The following KIZ variants were observed in gnomAD, a reference collection of about 807,000 sequenced individuals.
KIZ encodes the protein centrosomal protein kizuna.
Under a neutral mutation model 79.6 loss-of-function variants are expected in KIZ, and 68 were observed. That is an observed-to-expected ratio of 0.85 (90% CI 0.70 to 1.05). The LOEUF (loss-of-function observed/expected upper bound fraction) is 1.05, where lower values mean the gene tolerates loss of function less well. KIZ is among the 50% of genes least tolerant of loss of function. KIZ has a pLI of 0.00. For missense variants in KIZ, 797 were observed against 800.4 expected (o/e 1.00, Z 0.05); for synonymous variants, 280 against 281.8 (o/e 0.99, Z 0.06).
At chr20:21,164,729 G>C (rs1391380086) in intron 6 of KIZ, among the ~76,000 whole-genome samples, 4 of 149,722 alleles carry the variant, frequency 2.7e-5, no homozygotes, top group Non-Finnish European at 5.9e-5. Flanking sequence ...TTTTTTTAAT[G>C]ATCTTGGAGG....
intron 8 of KIZ, 68 bp from the exon 9 acceptor site, chr20:21,215,515 A>G (rs1390820093): frequency 1.1e-6 from 1 of 874,392 alleles, no homozygotes; most frequent in Non-Finnish European, 1.8e-6. Flanking sequence ...AAAGGGAAGG[A>G]CAAACACCCA....
In KIZ at chr20:21,126,195, T is replaced by C; in HGVS notation, c.80T>C (p.Leu27Pro). The C allele has an allele frequency of 6.8e-7, 1 of 1,480,344 alleles. No individual in the cohort carries two copies. The highest frequency in any genetic ancestry group is 9.0e-7 in the Non-Finnish European group (1 of 1,110,406). The allele number at this position is 1,480,344 out of a possible 1,614,324, so 91.7% of individuals were successfully genotyped here. The stretch of plus-strand genomic sequence containing the variant: ...AGGCTGGGCCAACTCCAGCACGGGC[T>C]GCGGGACAGGTAAGGGCACTGGGGC... The part of the protein sequence containing the change: ...YERLGQLQHG[L>P]RDSEKKRLDL... Residue 27 changes from leucine to proline, a missense_variant, in exon 1 of 13, where the codon CTG becomes CCG. Coordinates refer to ENST00000619189, the MANE Select transcript of KIZ (RefSeq NM_018474.6).
At chr20:21,225,285 A>G (rs2036622450) in intron 9 of KIZ, among the ~76,000 whole-genome samples, 1 of 152,224 alleles carries the variant, frequency 6.6e-6, no homozygotes, top group South Asian at 2.1e-4. Flanking sequence ...AACCTTGAGC[A>G]TGCGTGTGTG....
At chr20:21,154,556 A>G (rs555585373) in intron 4 of KIZ, among the ~76,000 whole-genome samples, 2 of 152,364 alleles carry the variant, frequency 1.3e-5, no homozygotes, top group Non-Finnish European at 2.9e-5. Context: ...ATCTTGGATT[A>G]TAGATTTATC....
chr20:21,191,826 G>A (rs111448678), intron 6 of KIZ, among the ~76,000 whole-genome samples: 1 of 151,056 alleles, frequency 6.6e-6, no homozygotes, highest in African/African-American at 2.4e-5. Context: ...TGGAGAGGAG[G>A]TAGGGCTTGT....
chr20:21,175,380 C>G (rs1479211304), intron 6 of KIZ, among the ~76,000 whole-genome samples: 1 of 152,194 alleles, frequency 6.6e-6, no homozygotes, highest in East Asian at 1.9e-4. Context: ...GTAGTCACAG[C>G]CATTGTCACT....
intron 4 of KIZ, among the ~76,000 whole-genome samples, chr20:21,157,552 GCATTTACTATAAGTACAT>G (rs1339179769): frequency 1.3e-5 from 2 of 152,162 alleles, no homozygotes; most frequent in Admixed American, 1.3e-4. Flanking sequence ...TAGTTCTGAA[GCATTTACTATAAGTACAT>G]CATGGTTCCC....
rs754021903 is a variant in KIZ, at chr20:21,232,715, A to G, written c.1784-19A>G. 24 of 1,352,052 alleles carry G rather than the reference A, an allele frequency of 1.8e-5. No individual in the cohort carries two copies. The highest frequency in any genetic ancestry group is 2.9e-5 in the African/African-American group (2 of 69,730). 83.8% of individuals were successfully genotyped at this position (1,352,052 alleles called of 1,614,324 possible). On this transcript the variant is annotated intron_variant, in intron 10 of 12. Coordinates refer to ENST00000619189, the MANE Select transcript of KIZ (RefSeq NM_018474.6). ...GCATGACAGCTAACCCTCACTCTCC[A>G]TGTTTACGCTTATCACAGGTTTGAA...
chr20:21,150,506 G>A (rs1423062547), intron 4 of KIZ, among the ~76,000 whole-genome samples: 1 of 152,250 alleles, frequency 6.6e-6, no homozygotes, highest in Non-Finnish European at 1.5e-5. Context: ...CATTCTCAAA[G>A]TTATGGCTGT....
chr20:21,126,220 C>A lies in KIZ; in HGVS notation c.89+16C>A. On this transcript the variant is annotated intron_variant, in intron 1 of 12. Transcript: ENST00000619189. ...TGCGGGACAGGTAAGGGCACTGGGG[C>A]GGGGGTGGGGAGTCGGCCCGCGCCG... 2.3e-6 allele frequency: 3 copies of A among 1,286,282 alleles called. No homozygotes were observed. Among genetic ancestry groups the A allele is most frequent in the Non-Finnish European group, 3.1e-6 (3 of 961,290 alleles). The allele number at this position is 1,286,282 out of a possible 1,614,324, so 79.7% of individuals were successfully genotyped here.
intron 1 of KIZ, among the ~76,000 whole-genome samples, chr20:21,130,998 T>C (rs924815647): frequency 7.9e-5 from 12 of 152,236 alleles, no homozygotes; most frequent in Admixed American, 5.9e-4. Context: ...ATTCTTTGCT[T>C]GGATAGAATA....
intron 9 of KIZ, 74 bp from the exon 10 acceptor site, chr20:21,228,937 A>G: frequency 2.7e-6 from 2 of 750,176 alleles, no homozygotes; most frequent in Non-Finnish European, 4.5e-6. Context: ...TGTTAATCTC[A>G]TAGGAAGAAT....
At position 21,136,730 on chromosome 20, in the gene KIZ, G is replaced by T. The variant is rs368781741; in HGVS notation, c.315+178G>T. ...TTACAGGTGCACACCCCATGTAGCT[G>T]TGTACCTCCCGAGTAGCTGGGATTA... On this transcript the variant is annotated intron_variant, in intron 3 of 12. Coordinates refer to ENST00000619189, the MANE Select transcript of KIZ (RefSeq NM_018474.6). Among the ~76,000 whole-genome samples the T allele has an allele frequency of 2.6e-5, 4 of 152,052 alleles. No homozygotes were observed. The East Asian group carries it at 7.7e-4, about 29-fold the overall frequency.
chr20:21,136,680 G>A, intron 3 of KIZ, 128 bp downstream of exon 3: 1 of 596,816 alleles, frequency 1.7e-6, no homozygotes. Flanking sequence ...CAGTCCTCCT[G>A]TCTTAGCCTC....
chr20:21,146,196 A>T (rs1365923252), intron 4 of KIZ, among the ~76,000 whole-genome samples: 1 of 152,184 alleles, frequency 6.6e-6, no homozygotes, highest in Non-Finnish European at 1.5e-5. Flanking sequence ...AAGACCGTAG[A>T]TGTTTTCTTC....
chr20:21,164,726 A>G (rs1300265830), intron 6 of KIZ, among the ~76,000 whole-genome samples: 1 of 150,462 alleles, frequency 6.6e-6, no homozygotes, highest in Non-Finnish European at 1.5e-5. Context: ...TTTTTTTTTT[A>G]ATGATCTTGG....
chr20:21,228,290 G>A (rs2036719910), intron 9 of KIZ, among the ~76,000 whole-genome samples: 1 of 152,136 alleles, frequency 6.6e-6, no homozygotes, highest in Admixed American at 6.5e-5. Context: ...TTAGAGTAAT[G>A]GGGAAGGTTG....
chr20:21,207,597 A>G (rs1050454727), intron 7 of KIZ, among the ~76,000 whole-genome samples: 1 of 151,280 alleles, frequency 6.6e-6, no homozygotes, highest in African/African-American at 2.4e-5. Context: ...GGGAAGAAAT[A>G]AATTATTACA....
intron 2 of KIZ, among the ~76,000 whole-genome samples, chr20:21,135,671 A>G (rs1286237049): frequency 2.0e-5 from 3 of 152,202 alleles, no homozygotes. Context: ...ATAACAGGGA[A>G]GAAGAGTTAG....
Sources: gnomAD v4.1 joint callset for allele counts (sites outside exome capture counted in the v4.1 genomes callset) on GRCh38, gnomAD v4.1.1 for gene constraint, MANE v1.5 for transcripts, NCBI Gene and HGNC (gene_info 2026-07-23, HGNC 2026-07-21) for gene names.